The following NBPF19 variants were observed in gnomAD, a reference collection of about 807,000 sequenced individuals.
The protein encoded by NBPF19 is NBPF member 19, also known as NBPF family member NBPF19.
NBPF19 carries 30 observed loss-of-function variants against 45.9 expected under a neutral mutation model. That is an observed-to-expected ratio of 0.65 (90% CI 0.49 to 0.89). NBPF19 has a LOEUF of 0.89. Among genes scored for constraint, NBPF19 ranks in the 40% least tolerant of loss-of-function variants. The probability of loss-of-function intolerance (pLI) is 0.00; values close to 1 mark genes in which losing one functional copy is unlikely to be tolerated. For synonymous variants in NBPF19, 183 were observed against 181.2 expected (o/e 1.01, Z -0.08); for missense variants, 495 against 471.8 (o/e 1.05, Z -0.46).
At chr1:149,528,994 T>C (rs2086926441) in intron 61 of NBPF19, among the ~76,000 whole-genome samples, 180 bp from the exon 62 acceptor site, 1 of 129,536 alleles carries the variant, frequency 7.7e-6, no homozygotes, top group Non-Finnish European at 1.6e-5. Context: ...TCTTTCTCTT[T>C]CATTCTTTTC....
At chr1:149,554,173 A>G (rs1454418852) in intron 93 of NBPF19, among the ~76,000 whole-genome samples, 2 of 147,170 alleles carry the variant, frequency 1.4e-5, no homozygotes, top group Non-Finnish European at 3.0e-5. Context: ...TCTTTTCATG[A>G]TCACAGTTTG....
intron 2 of NBPF19, among the ~76,000 whole-genome samples, chr1:149,477,541 A>G (rs1229159086): frequency 2.0e-5 from 3 of 151,262 alleles, no homozygotes; most frequent in Non-Finnish European, 4.4e-5. Flanking sequence ...AAGGGAAACC[A>G]TCAGTCCCAT....
chr1:149,488,172 T>G lies in NBPF19; in HGVS notation c.1200T>G (p.Ala400=), dbSNP rs1168752879. ...TGGAGCAACAGCGTGTTGGCTTGGC[T>G]ATTGACATGGATGGTGAGTACCTTT... ...YVLEQQRVGL[A]IDMDEIEKYQ... Residue 400 remains alanine (A), a synonymous_variant, in exon 10 of 94, where the codon GCT becomes GCG. Transcript: ENST00000651566. 109 of 665,966 alleles carry G rather than the reference T, an allele frequency of 1.6e-4. 2 individuals carry two copies. Among genetic ancestry groups the G allele is most frequent in the Non-Finnish European group, 2.5e-4 (93 of 372,014 alleles). 41.3% of individuals were successfully genotyped at this position (665,966 alleles called of 1,614,324 possible).
Position 149,554,399 on chromosome 1 carries a change from T to G in NBPF19, c.11289-96T>G, listed in dbSNP as rs1420262604. On this transcript the variant is annotated intron_variant, in intron 93 of 93. Coordinates refer to ENST00000651566, the MANE Select transcript of NBPF19 (RefSeq NM_001351365.2). ...CATTAATGGATCTATCCTTTTTCTTTTCTAACCACTTCCTTATGTGACTTC... is the reference window on the plus strand; with the variant it reads ...CATTAATGGATCTATCCTTTTTCTTGTCTAACCACTTCCTTATGTGACTTC... The G allele has an allele frequency of 1.9e-6, 3 of 1,604,276 alleles. No individual in the cohort carries two copies. The African/African-American group carries it at 4.0e-5, about 22-fold the overall frequency.
chr1:149,494,106 C>G (rs1403973570), intron 17 of NBPF19, among the ~76,000 whole-genome samples: 1 of 135,744 alleles, frequency 7.4e-6, no homozygotes, highest in Non-Finnish European at 1.5e-5. Flanking sequence ...CTCTCTCTCT[C>G]TCTCTCTCTC....
In NBPF19 at chr1:149,479,210, T is replaced by C. The variant is rs1275396370; in HGVS notation, c.493+116T>C. 3.2e-5 allele frequency: 45 copies of C among 1,425,762 alleles called. 1 individual carries two copies. Among genetic ancestry groups the C allele is most frequent in the Admixed American group, 1.4e-4 (8 of 56,410 alleles). 88.3% of individuals were successfully genotyped at this position (1,425,762 alleles called of 1,614,324 possible). On this transcript the variant is annotated intron_variant, in intron 4 of 93. Transcript: ENST00000651566. The stretch of plus-strand genomic sequence containing the variant: ...GGGGTTTTTTTCTACTACACCTATG[T>C]GGCCATGACATGATCAGGACTTCCT...
intron 9 of NBPF19, among the ~76,000 whole-genome samples, chr1:149,487,709 CACAAAT>C (rs2085657719): frequency 6.7e-6 from 1 of 149,866 alleles, no homozygotes; most frequent in East Asian, 2.0e-4. Context: ...GTCCTGAGAG[CACAAAT>C]ACAGAGTGTC....
In NBPF19 at chr1:149,479,115, G is replaced by T. The variant is rs1413919052; in HGVS notation, c.493+21G>T. On this transcript the variant is annotated intron_variant, in intron 4 of 93. Coordinates refer to ENST00000651566, the MANE Select transcript of NBPF19 (RefSeq NM_001351365.2). The stretch of plus-strand genomic sequence containing the variant: ...CCCAGGTAAGGTGGCCATAGGCCCT[G>T]ATGACCCAAAACCCCAGGCTTATGA... The T allele has an allele frequency of 8.4e-6, 12 of 1,436,504 alleles. 2 individuals carry two copies. The highest frequency in any genetic ancestry group is 1.2e-5 in the Non-Finnish European group (12 of 1,022,104). The allele number at this position is 1,436,504 out of a possible 1,614,324, so 89.0% of individuals were successfully genotyped here.
intron 7 of NBPF19, among the ~76,000 whole-genome samples, chr1:149,483,562 A>G (rs2085332844): frequency 6.7e-6 from 1 of 149,454 alleles, no homozygotes; most frequent in African/African-American, 2.5e-5. Context: ...TGTGAATTTG[A>G]TCCTGTCGTT....
chr1:149,487,133 G>C (rs7542346), intron 8 of NBPF19, among the ~76,000 whole-genome samples, 199 bp from the exon 9 acceptor site: 1 of 150,116 alleles, frequency 6.7e-6, no homozygotes, highest in East Asian at 2.0e-4. Context: ...CAACACAGGG[G>C]AATTTTGCCC....
intron 51 of NBPF19, among the ~76,000 whole-genome samples, chr1:149,521,088 C>A: frequency 1.2e-5 from 1 of 82,264 alleles, no homozygotes; most frequent in South Asian, 3.4e-4. Flanking sequence ...CTGTCTCTGT[C>A]TCTCTCTCTG....
rs1422840594 is a variant in NBPF19 at position 149,555,046 on chromosome 1, G to T, written c.*308G>T. The T allele has an allele frequency of 4.9e-5, 22 of 449,896 alleles. No homozygotes were observed. Among genetic ancestry groups the T allele is most frequent in the South Asian group, 4.8e-4 (21 of 44,058 alleles). The allele number at this position is 449,896 out of a possible 1,614,324, so 27.9% of individuals were successfully genotyped here. ...ATTCCTCAGGGATTTCATTTTGCAGGCATGTCTCTGAGCTTCTATACCTGC... is the reference window on the plus strand; with the variant it reads ...ATTCCTCAGGGATTTCATTTTGCAGTCATGTCTCTGAGCTTCTATACCTGC... On this transcript the variant is annotated 3_prime_UTR_variant, in exon 94 of 94. Coordinates refer to ENST00000651566, the MANE Select transcript of NBPF19 (RefSeq NM_001351365.2).
At chr1:149,477,197 CTG>C (rs2084891555) in intron 2 of NBPF19, among the ~76,000 whole-genome samples, 1 of 150,314 alleles carries the variant, frequency 6.7e-6, no homozygotes, top group Admixed American at 6.6e-5. Flanking sequence ...ATACCTACCT[CTG>C]TAAATTGCTG....
At position 149,554,879 on chromosome 1, in the gene NBPF19, C is replaced by G. The variant is rs1182968191; in HGVS notation, c.*141C>G. 6.7e-4 allele frequency: 988 copies of G among 1,467,280 alleles called. 17 individuals are homozygous for G. In the African/African-American group the frequency reaches 0.012, roughly 18 times the overall value. 90.9% of individuals were successfully genotyped at this position (1,467,280 alleles called of 1,614,324 possible). The stretch of plus-strand genomic sequence containing the variant: ...GCATGGCTCTTTTCCTATTCTCAAA[C>G]CATGCCAGTGGCAACCTGTGCTCAG... On this transcript the variant is annotated 3_prime_UTR_variant, in exon 94 of 94. Coordinates refer to ENST00000651566, the MANE Select transcript of NBPF19 (RefSeq NM_001351365.2).
chr1:149,487,775 C>CTGTG (rs1219803937), intron 9 of NBPF19, among the ~76,000 whole-genome samples: 7,622 of 128,356 alleles, frequency 0.059, 273 homozygotes, highest in African/African-American at 0.12. Flanking sequence ...TGAGCTCGCT[C>CTGTG]TGTGTGTGTG....
intron 8 of NBPF19, among the ~76,000 whole-genome samples, chr1:149,486,661 G>A (rs1427782447): frequency 6.6e-6 from 1 of 151,274 alleles, no homozygotes; most frequent in African/African-American, 2.4e-5. Context: ...TTCCTTATGA[G>A]TTTTGTTCCC....
chr1:149,488,835 T>G, intron 10 of NBPF19, 70 bp from the exon 11 acceptor site: 1 of 74,384 alleles, frequency 1.3e-5, no homozygotes, highest in Non-Finnish European at 2.1e-5. Flanking sequence ...GTGTGAGGAT[T>G]AGACAGTGGA....
intron 8 of NBPF19, among the ~76,000 whole-genome samples, chr1:149,487,131 G>C (rs1421074296): frequency 2.0e-5 from 3 of 149,976 alleles, no homozygotes; most frequent in Non-Finnish European, 1.5e-5. Flanking sequence ...TCCAACACAG[G>C]GGAATTTTGC....
At chr1:149,487,832 G>A (rs1428670105) in intron 9 of NBPF19, among the ~76,000 whole-genome samples, 181 bp from the exon 10 acceptor site, 5,435 of 122,944 alleles carry the variant, frequency 0.044, 342 homozygotes, top group African/African-American at 0.16. Context: ...TGTCTTTCTC[G>A]TTCATCCTTT....
Sources: allele counts gnomAD v4.1 joint callset (sites outside exome capture counted in the v4.1 genomes callset), GRCh38; gene constraint gnomAD v4.1.1; transcripts MANE v1.5; gene names NCBI Gene and HGNC (gene_info 2026-07-23, HGNC 2026-07-21).